Variants in NEB observed in about 807,000 individuals in gnomAD.
The protein encoded by NEB is nebulin, also known as nemaline myopathy type 2.
NEB carries 512 observed loss-of-function variants against 952.2 expected under a neutral mutation model. The ratio of observed to expected loss-of-function variants is 0.54; its 90% CI spans 0.50 to 0.58. NEB has a LOEUF of 0.58. NEB is among the 20% of genes least tolerant of loss of function. NEB has a pLI of 0.00. For missense variants in NEB, 8,428 were observed against 9,231.1 expected (o/e 0.91, Z 3.56); for synonymous variants, 2,900 against 3,149.8 (o/e 0.92, Z 2.66).
chr2:151,658,392 G>T (rs2099109737), intron 47 of NEB, among the ~76,000 whole-genome samples: 1 of 152,072 alleles, frequency 6.6e-6, no homozygotes, highest in East Asian at 1.9e-4. Context: ...GCAAATAAGA[G>T]TTAAAGGAAG....
chr2:151,551,351 T>C (rs1186545985), intron 129 of NEB, among the ~76,000 whole-genome samples: 1 of 152,066 alleles, frequency 6.6e-6, no homozygotes, highest in Non-Finnish European at 1.5e-5. Context: ...ATAGAATAGG[T>C]AGGTTAAATA....
rs1431973662 is a variant in NEB at position 151,610,636 on chromosome 2, T to C, written c.11911-13A>G. The C allele has an allele frequency of 6.3e-7, 1 of 1,596,810 alleles. No individual in the cohort carries two copies. The highest frequency in any genetic ancestry group is 1.3e-5 in the African/African-American group (1 of 74,498). ...TGGTGTAAAGTTTCTAGGGAAGGGA[T>C]AATAGACGACAGAAAATAAGAGTGT... On this transcript the variant is annotated splice_polypyrimidine_tract_variant and intron_variant, in intron 79 of 181. Transcript: ENST00000397345.
At chr2:151,610,199 A>G in intron 80 of NEB, 79 bp from the exon 81 acceptor site, 4 of 1,201,174 alleles carry the variant, frequency 3.3e-6, no homozygotes, top group Non-Finnish European at 4.6e-6. Context: ...ACAACATGAA[A>G]TGGACAAGAT....
At position 151,553,819 on chromosome 2, in the gene NEB, C is replaced by A. The variant is rs1293079263; in HGVS notation, c.19626+9G>T. The A allele has an allele frequency of 1.9e-6, 3 of 1,599,780 alleles. No homozygotes were observed. In the Admixed American group the frequency reaches 5.0e-5, roughly 27 times the overall value. On this transcript the variant is annotated intron_variant, in intron 126 of 181. Coordinates refer to ENST00000397345, the MANE Select transcript of NEB (RefSeq NM_001164508.2). ...CCGTGGAGGGGTACTTCTTAAGTCA[C>A]AGGCTTACATCGCTGATCTGATCTG...
chr2:151,630,879 C>A, intron 66 of NEB, 60 bp from the exon 67 acceptor site: 1 of 1,417,544 alleles, frequency 7.1e-7, no homozygotes, highest in South Asian at 1.4e-5. Context: ...ACAAAAAGTT[C>A]ATTTAAAACT....
chr2:151,506,831 T>C (rs1402546159), intron 163 of NEB, 78 bp downstream of exon 163: 2 of 942,028 alleles, frequency 2.1e-6, no homozygotes, highest in African/African-American at 3.3e-5. Context: ...TGTGTATCAA[T>C]ATAAGGCTAG....
In NEB at chr2:151,501,396, T is replaced by C. The variant is rs1357652737; in HGVS notation, c.24016A>G (p.Ser8006Gly). Residue 8006 changes from serine to glycine, a missense_variant, in exon 168 of 182, where the codon AGC (serine) becomes GGC (glycine). This residue lies in a region of NEB where 3,374 missense variants were observed against 3,651.5 expected (regional missense o/e 0.92). Transcript: ENST00000397345. ...AAGAGCTTTCTCCCAAATACCGAGC[T>C]AAAGTTTTCTTGATTGAGTTTGACT... ...ERVKLNQENF[S>G]SVLYKENVGK... 5.8e-6 allele frequency: 9 copies of C among 1,547,222 alleles called. No homozygotes were observed. In the East Asian group the frequency reaches 1.7e-4, roughly 29 times the overall value.
chr2:151,694,562 G>T lies in NEB; in HGVS notation c.1742C>A (p.Pro581His). ...KKFDIKVDAI[P>H]LLAAKANTKN... ...GGTGTTGGCTTTGGCTGCCAGCAGG[G>T]GAATGGCATCCACTTTAATGTCAAA... is the stretch of plus-strand genomic sequence containing the variant. The change falls in exon 19 of 182, where the codon CCC becomes CAC. Residue 581 changes from proline to histidine, a missense_variant. By Grantham distance (77) the Pro-to-His change is moderately conservative. Transcript: ENST00000397345. 6.2e-7 allele frequency: 1 copy of T among 1,611,462 alleles called. No individual in the cohort carries two copies. Among genetic ancestry groups the T allele is most frequent in the South Asian group, 1.1e-5 (1 of 90,840 alleles).
intron 108 of NEB, 22 bp from the exon 109 acceptor site, chr2:151,570,414 A>T: frequency 6.4e-7 from 1 of 1,573,834 alleles, no homozygotes; most frequent in Non-Finnish European, 8.6e-7. Flanking sequence ...AAAATAAAGC[A>T]GATGGGTCAC....
chr2:151,493,676 C>A (rs749274458), intron 175 of NEB, 99 bp downstream of exon 175: 17 of 1,013,984 alleles, frequency 1.7e-5, no homozygotes, highest in Non-Finnish European at 2.0e-5. Context: ...TTTAAAGATA[C>A]ACAAAAGTTT....
At chr2:151,548,205 A>G in intron 131 of NEB, 103 bp downstream of exon 131, 1 of 952,804 alleles carries the variant, frequency 1.0e-6, no homozygotes, top group Non-Finnish European at 1.6e-6. Context: ...TTTTGCTGGT[A>G]TGTAAGTTTA....
At chr2:151,641,137 T>C (rs892267256) in intron 60 of NEB, among the ~76,000 whole-genome samples, 1 of 152,162 alleles carries the variant, frequency 6.6e-6, no homozygotes, top group Non-Finnish European at 1.5e-5. Context: ...AGAATGTCTG[T>C]ATATTTATAC....
chr2:151,553,294 C>A (rs1577241072), intron 127 of NEB, 104 bp downstream of exon 127: 2 of 937,600 alleles, frequency 2.1e-6, no homozygotes, highest in Non-Finnish European at 3.4e-6. Context: ...CAGCCACCCC[C>A]CAGAGCTGGC....
chr2:151,657,043 T>C (rs1360056678), intron 48 of NEB, among the ~76,000 whole-genome samples: 1 of 152,194 alleles, frequency 6.6e-6, no homozygotes, highest in Admixed American at 6.5e-5. Flanking sequence ...GTACTATTTA[T>C]CATCCCAACT....
In NEB at chr2:151,710,472, C is replaced by T. The variant is rs2099741720; in HGVS notation, c.889G>A (p.Val297Ile). The change falls in exon 11 of 182, where the codon GTT becomes ATT. Residue 297 changes from valine (V) to isoleucine (I), a missense_variant. Physicochemically the swap from Val to Ile is conservative, Grantham distance 29. Transcript: ENST00000397345. ...TCAGCATTCATTCTGGCATTTGCAA[C>T]TTCAAAGCAAGGTGTCTCACTCCAT... ...GKWSETPCFEVANARMNADNI... is the reference protein window; with the variant it reads ...GKWSETPCFEIANARMNADNI... 6.2e-7 allele frequency: 1 copy of T among 1,612,520 alleles called. No homozygotes were observed. The highest frequency in any genetic ancestry group is 8.5e-7 in the Non-Finnish European group (1 of 1,179,028).
chr2:151,509,642 T>A (rs1238427940), intron 161 of NEB, among the ~76,000 whole-genome samples: 1 of 152,138 alleles, frequency 6.6e-6, no homozygotes, highest in African/African-American at 2.4e-5. Context: ...GGTTTTTTGT[T>A]TTTTGAGGCG....
Position 151,617,291 on chromosome 2 carries a change from C to T in NEB, c.11181+73G>A, listed in dbSNP as rs1331408661. On this transcript the variant is annotated intron_variant, in intron 75 of 181. Coordinates refer to ENST00000397345, the MANE Select transcript of NEB (RefSeq NM_001164508.2). ...GTATGTGTAGTAAATTAGTCAAAAC[C>T]TTTTCCTAAGGAAACAGCTACAGTG... is the stretch of plus-strand genomic sequence containing the variant. 3.8e-6 allele frequency: 4 copies of T among 1,053,358 alleles called. No homozygotes were observed. In the East Asian group the frequency reaches 7.9e-5, roughly 21 times the overall value. The allele number at this position is 1,053,358 out of a possible 1,614,324, so 65.3% of individuals were successfully genotyped here.
intron 10 of NEB, 144 bp downstream of exon 10, chr2:151,717,272 T>C: frequency 1.5e-6 from 1 of 679,412 alleles, no homozygotes; most frequent in South Asian, 1.6e-5. Context: ...TTGCTTTTGC[T>C]GTAGAGTCTT....
Position 151,664,776 on chromosome 2 carries a change from G to T in NEB, c.5326C>A (p.Gln1776Lys), listed in dbSNP as rs1306269352. The change falls in exon 43 of 182, where the codon CAA becomes AAA. Residue 1776 changes from glutamine to lysine, a missense_variant. Gln to Lys is a moderately conservative substitution (Grantham distance 53, BLOSUM62 1). Coordinates refer to ENST00000397345, the MANE Select transcript of NEB (RefSeq NM_001164508.2). ...CTACTTACATCACTCATGGTGATTT[G>T]GTTTACTCTGGAGAGTAAAATATCC... ...TPDILLSRVN[Q>K]ITMSDKLYKA... 1.9e-6 allele frequency: 3 copies of T among 1,609,662 alleles called. No individual in the cohort carries two copies. Among genetic ancestry groups the T allele is most frequent in the Admixed American group, 3.3e-5 (2 of 59,820 alleles).
Sources: allele counts gnomAD v4.1 joint callset (sites outside exome capture counted in the v4.1 genomes callset), GRCh38; gene constraint gnomAD v4.1.1; regional missense constraint gnomAD v4.1.1; transcripts MANE v1.5; gene names NCBI Gene and HGNC (gene_info 2026-07-23, HGNC 2026-07-21).